The following EML1 variants were observed in gnomAD, a reference collection of about 807,000 sequenced individuals.
EML1 encodes the protein echinoderm microtubule-associated protein-like 1.
Under a neutral mutation model 110.4 loss-of-function variants are expected in EML1, and 27 were observed. The ratio of observed to expected loss-of-function variants is 0.24; its 90% CI spans 0.18 to 0.34. The LOEUF is 0.34. Ranked by LOEUF, EML1 falls within the 10% of genes least tolerant of loss-of-function variation. The probability of loss-of-function intolerance (pLI) is 1.00; values close to 1 mark genes in which losing one functional copy is unlikely to be tolerated. For synonymous variants in EML1, 344 were observed against 385.8 expected, an observed-to-expected ratio of 0.89 and a Z score of 1.27; for missense variants, 741 against 1,030.9, an observed-to-expected ratio of 0.72 and a Z score of 3.85.
Position 99,850,846 on chromosome 14 carries a change from G to A in EML1, c.68-7G>A. 1 of 1,611,466 alleles carries A rather than the reference G, an allele frequency of 6.2e-7. No individual in the cohort carries two copies. The highest frequency in any genetic ancestry group is 8.5e-7 in the Non-Finnish European group (1 of 1,178,006). On this transcript the variant is annotated splice_region_variant and splice_polypyrimidine_tract_variant and intron_variant, in intron 1 of 21. Transcript: ENST00000262233. ...TTAAAGCTCACTTGATCCTTTCTTT[G>A]GTTTAGATGACAGCGCTTCTGCTGC...
At position 99,914,282 on chromosome 14, in the gene EML1, GGGAC is replaced by G; in HGVS notation, c.1599_1602del (p.Asp534SerfsTer25). 1 of 1,613,648 alleles carries G rather than the reference GGGAC, an allele frequency of 6.2e-7. No homozygotes were observed. Among genetic ancestry groups the G allele is most frequent in the African/African-American group, 1.3e-5 (1 of 75,000 alleles). ...TTTGTCCTGCAGGGCACTCTGTCAG[GGGAC>G]TTCACACCCATTACTCAGGTACGAT... On this transcript the variant is annotated frameshift_variant, in exon 14 of 22. Transcript: ENST00000262233. LOFTEE classifies it high-confidence loss of function.
chr14:99,891,741 A>G (rs2059591028), intron 5 of EML1, among the ~76,000 whole-genome samples: 1 of 152,244 alleles, frequency 6.6e-6, no homozygotes, highest in Non-Finnish European at 1.5e-5. Flanking sequence ...GTAATAAGGT[A>G]GATGCTGTTG....
chr14:99,863,977 G>A (rs565495059), intron 2 of EML1, among the ~76,000 whole-genome samples: 225 of 152,312 alleles, frequency 1.5e-3, no homozygotes, highest in African/African-American at 5.3e-3. Flanking sequence ...CCTGTTGATC[G>A]GCATCCCGGC....
intron 9 of EML1, chr14:99,907,381 T>C: frequency 2.3e-6 from 1 of 427,492 alleles, no homozygotes; most frequent in South Asian, 3.7e-5. Flanking sequence ...GGTAGGAGGA[T>C]TGCTTGAGCC....
intron 4 of EML1, among the ~76,000 whole-genome samples, chr14:99,881,654 G>A (rs984604107): frequency 2.7e-5 from 4 of 149,162 alleles, no homozygotes; most frequent in Middle Eastern, 3.5e-3. Context: ...AGGCTGGAGT[G>A]CAGTGGCACA....
intron 5 of EML1, among the ~76,000 whole-genome samples, chr14:99,892,809 T>C (rs2059609801): frequency 6.6e-6 from 1 of 152,220 alleles, no homozygotes; most frequent in Non-Finnish European, 1.5e-5. Context: ...GCATTTTTTA[T>C]GTGTTGTGGA....
At chr14:99,828,026 T>C (rs1156610833) in intron 1 of EML1, among the ~76,000 whole-genome samples, 2 of 152,218 alleles carry the variant, frequency 1.3e-5, no homozygotes, top group African/African-American at 4.8e-5. Flanking sequence ...TCTCAGGTCA[T>C]TTCATAGATG....
intron 1 of EML1, among the ~76,000 whole-genome samples, chr14:99,821,461 C>T (rs1025155867): frequency 3.9e-5 from 6 of 152,110 alleles, no homozygotes; most frequent in East Asian, 1.9e-4. Flanking sequence ...AAGACCAGCC[C>T]GAGCAACATA....
chr14:99,938,750 G>A (rs113773321), intron 20 of EML1, among the ~76,000 whole-genome samples: 80 of 152,310 alleles, frequency 5.3e-4, no homozygotes, highest in African/African-American at 1.7e-3. Context: ...AGAAACATGC[G>A]CACACCCAGG....
At chr14:99,816,373 G>A (rs563251709) in intron 1 of EML1, among the ~76,000 whole-genome samples, 1 of 152,224 alleles carries the variant, frequency 6.6e-6, no homozygotes, top group East Asian at 1.9e-4. Context: ...ATGTTGGTAA[G>A]GCTGGTCTTG....
chr14:99,775,094 G>T (rs576519286), intron 1 of EML1, among the ~76,000 whole-genome samples: 1 of 152,316 alleles, frequency 6.6e-6, no homozygotes, highest in East Asian at 1.9e-4. Context: ...AATGCGGTTT[G>T]CTGGCGCACT....
rs1269832614 is a variant in EML1 at position 99,941,200 on chromosome 14, C to G, written c.*1088C>G. ...GGTGGCAGAAATTTGTCAAGAAGGCCTTATCCATTTCGATTGTGTGACAGA... is the reference window on the plus strand; with the variant it reads ...GGTGGCAGAAATTTGTCAAGAAGGCGTTATCCATTTCGATTGTGTGACAGA... On this transcript the variant is annotated 3_prime_UTR_variant, in exon 22 of 22. Coordinates refer to ENST00000262233, the MANE Select transcript of EML1 (RefSeq NM_004434.3). The G allele has an allele frequency of 6.6e-6, 1 of 152,154 alleles. No homozygotes were observed. The allele number at this position is 152,154 out of a possible 1,614,324, so 9.4% of individuals were successfully genotyped here.
chr14:99,803,262 C>T (rs756691108), intron 1 of EML1, among the ~76,000 whole-genome samples: 61 of 152,262 alleles, frequency 4.0e-4, no homozygotes, highest in Non-Finnish European at 7.1e-4. Flanking sequence ...CCATGCCACA[C>T]ATGTGACAGG....
At chr14:99,748,941 C>T (rs1243590565) in intron 1 of EML1, among the ~76,000 whole-genome samples, 1 of 152,188 alleles carries the variant, frequency 6.6e-6, no homozygotes, top group African/African-American at 2.4e-5. Context: ...TGGATTCTCT[C>T]GCTTAGGAAA....
chr14:99,865,049 TACCTTC>T (rs1028677617), intron 2 of EML1, among the ~76,000 whole-genome samples: 1 of 152,186 alleles, frequency 6.6e-6, no homozygotes, highest in Admixed American at 6.5e-5. Context: ...ATTTATTGTG[TACCTTC>T]TTTCTTATTA....
At chr14:99,835,173 T>A (rs964679491) in intron 1 of EML1, among the ~76,000 whole-genome samples, 1 of 152,252 alleles carries the variant, frequency 6.6e-6, no homozygotes, top group African/African-American at 2.4e-5. Context: ...ACTCTTTAGA[T>A]CTATTTCTTC....
intron 2 of EML1, among the ~76,000 whole-genome samples, chr14:99,851,957 A>G (rs773965985): frequency 6.6e-6 from 1 of 152,220 alleles, no homozygotes; most frequent in Non-Finnish European, 1.5e-5. Context: ...CCACAAGGAC[A>G]TCACCTGCTA....
chr14:99,916,379 A>C (rs930183894), intron 15 of EML1, among the ~76,000 whole-genome samples: 1 of 152,226 alleles, frequency 6.6e-6, no homozygotes, highest in Non-Finnish European at 1.5e-5. Flanking sequence ...CTGTAGAAAG[A>C]AAGCATTGAA....
chr14:99,765,390 G>A (rs756317962), intron 1 of EML1, among the ~76,000 whole-genome samples: 4 of 151,958 alleles, frequency 2.6e-5, no homozygotes, highest in African/African-American at 7.3e-5. Flanking sequence ...CCCCCACCAC[G>A]CCAGGCCCCT....
Sources: allele counts gnomAD v4.1 joint callset (sites outside exome capture counted in the v4.1 genomes callset), GRCh38; gene constraint gnomAD v4.1.1; transcripts MANE v1.5; gene names NCBI Gene and HGNC (gene_info 2026-07-23, HGNC 2026-07-21).